Variants in FHIT observed in about 807,000 individuals in gnomAD.
FHIT encodes the protein fragile histidine triad diadenosine triphosphatase.
In FHIT, 19 loss-of-function variants were observed where a neutral mutation model predicts 17.9. The ratio of observed to expected loss-of-function variants is 1.06; its 90% CI spans 0.74 to 1.56. The LOEUF is 1.56. Ranked by LOEUF, FHIT falls within the 40% of genes most tolerant of loss-of-function variation. The probability of loss-of-function intolerance (pLI) is 0.00; values close to 1 mark genes in which losing one functional copy is unlikely to be tolerated. For missense variants in FHIT, 248 were observed against 189.2 expected, an observed-to-expected ratio of 1.31 and a Z score of -1.82; for synonymous variants, 81 against 69.7, an observed-to-expected ratio of 1.16 and a Z score of -0.81.
At chr3:59,777,359 A>G in intron 8 of FHIT, among the ~76,000 whole-genome samples, 1 of 151,768 alleles carries the variant, frequency 6.6e-6, no homozygotes, top group Non-Finnish European at 1.5e-5. Flanking sequence ...GTGGGCACCT[A>G]TATTTATCAC....
At chr3:60,619,603 A>C (rs1162659434) in intron 4 of FHIT, among the ~76,000 whole-genome samples, 37 of 27,258 alleles carry the variant, frequency 1.4e-3, no homozygotes, top group African/African-American at 5.1e-3. Context: ...CCACATGCAA[A>C]AAAAAAAAAA....
intron 4 of FHIT, among the ~76,000 whole-genome samples, chr3:60,549,481 G>A (rs1166931911): frequency 6.6e-6 from 1 of 152,078 alleles, no homozygotes; most frequent in Non-Finnish European, 1.5e-5. Flanking sequence ...TCCTAGATTT[G>A]AGAATCACTG....
At chr3:61,045,931 T>C (rs536899297) in intron 2 of FHIT, among the ~76,000 whole-genome samples, 9 of 152,150 alleles carry the variant, frequency 5.9e-5, no homozygotes, top group Non-Finnish European at 1.3e-4. Flanking sequence ...AAGATGTTCT[T>C]TGAAACCAAC....
chr3:59,933,499 C>T (rs1575722014), intron 7 of FHIT, among the ~76,000 whole-genome samples: 1 of 152,008 alleles, frequency 6.6e-6, no homozygotes, highest in African/African-American at 2.4e-5. Flanking sequence ...CACACTGATG[C>T]TTACTGGAAT....
intron 5 of FHIT, among the ~76,000 whole-genome samples, chr3:60,108,583 G>T (rs749421553): frequency 1.3e-5 from 2 of 152,006 alleles, no homozygotes; most frequent in Non-Finnish European, 2.9e-5. Context: ...AAGGACAGGG[G>T]ACTCCTAGCT....
intron 2 of FHIT, among the ~76,000 whole-genome samples, chr3:61,074,990 C>T (rs1329188758): frequency 6.6e-6 from 1 of 152,114 alleles, no homozygotes; most frequent in African/African-American, 2.4e-5. Flanking sequence ...CAGTCTCAGA[C>T]AAAAGCTGTC....
chr3:61,027,162 C>T (rs1327501968), intron 3 of FHIT, among the ~76,000 whole-genome samples: 5 of 152,116 alleles, frequency 3.3e-5, no homozygotes, highest in African/African-American at 1.2e-4. Flanking sequence ...TCTTGGCTCA[C>T]GGCAACCTCT....
At chr3:60,069,926 C>T (rs1011037124) in intron 5 of FHIT, among the ~76,000 whole-genome samples, 5 of 152,198 alleles carry the variant, frequency 3.3e-5, no homozygotes, top group Non-Finnish European at 5.9e-5. Context: ...TTCTGTCTAG[C>T]ACACTTTTCT....
chr3:60,689,141 T>C (rs559322085), intron 4 of FHIT, among the ~76,000 whole-genome samples: 1 of 152,304 alleles, frequency 6.6e-6, no homozygotes, highest in Admixed American at 6.5e-5. Context: ...ACAAGCTCTC[T>C]CTTTTTGCCT....
At chr3:61,026,417 A>G (rs1235211309) in intron 3 of FHIT, among the ~76,000 whole-genome samples, 3 of 152,198 alleles carry the variant, frequency 2.0e-5, no homozygotes, top group Non-Finnish European at 4.4e-5. Flanking sequence ...TCAAGAAGAA[A>G]CAGGATAATG....
chr3:59,956,409 C>T (rs1195443654), intron 7 of FHIT, among the ~76,000 whole-genome samples: 1 of 152,192 alleles, frequency 6.6e-6, no homozygotes, highest in Admixed American at 6.5e-5. Flanking sequence ...GTGGCTCACG[C>T]CTATAATCTC....
At chr3:61,071,668 T>G (rs578032528) in intron 2 of FHIT, among the ~76,000 whole-genome samples, 1 of 152,304 alleles carries the variant, frequency 6.6e-6, no homozygotes, top group African/African-American at 2.4e-5. Context: ...GCAGCCTATT[T>G]CCAATATGTT....
chr3:61,135,673 T>C (rs888003726), intron 2 of FHIT, among the ~76,000 whole-genome samples: 10 of 152,286 alleles, frequency 6.6e-5, no homozygotes, highest in African/African-American at 2.4e-4. Flanking sequence ...ATTTAGTTTA[T>C]TTATCTTCCC....
chr3:60,234,232 A>G (rs191189601), intron 5 of FHIT, among the ~76,000 whole-genome samples: 2 of 152,306 alleles, frequency 1.3e-5, no homozygotes, highest in Non-Finnish European at 2.9e-5. Context: ...AATAATAATA[A>G]TTAATGCCTT....
At chr3:60,252,609 G>T (rs1268893091) in intron 5 of FHIT, among the ~76,000 whole-genome samples, 1 of 151,860 alleles carries the variant, frequency 6.6e-6, no homozygotes, top group East Asian at 1.9e-4. Flanking sequence ...TGTGCTCAAA[G>T]GGTATTATGG....
intron 4 of FHIT, among the ~76,000 whole-genome samples, chr3:60,628,071 A>G (rs1312409466): frequency 1.3e-5 from 2 of 152,310 alleles, no homozygotes; most frequent in East Asian, 3.9e-4. Context: ...ATTTTTTAAA[A>G]ATACAGGTAC....
At chr3:60,398,543 T>G (rs990749537) in intron 5 of FHIT, among the ~76,000 whole-genome samples, 24 of 152,194 alleles carry the variant, frequency 1.6e-4, no homozygotes, top group African/African-American at 4.6e-4. Flanking sequence ...CACATAGGTA[T>G]TAATGCCACA....
chr3:61,222,439 C>G (rs1053500678), intron 1 of FHIT, among the ~76,000 whole-genome samples: 5 of 152,168 alleles, frequency 3.3e-5, no homozygotes, highest in Non-Finnish European at 7.3e-5. Context: ...CCTGCTGGCT[C>G]ATGGCTTTGC....
rs114456946 is a variant in FHIT, at chr3:60,323,008, C to A, written c.103+213852G>T. On this transcript the variant is annotated intron_variant, in intron 5 of 9. Transcript: ENST00000492590. ...AGACATACAGGAAATGTAAGATTCA[C>A]TATTTAGGTATGAGTTTAGATTTTT... Among the ~76,000 whole-genome samples, 620 of 152,294 alleles carry A rather than the reference C, an allele frequency of 4.1e-3. 4 individuals carry two copies. Among genetic ancestry groups the A allele is most frequent in the African/African-American group, 0.014 (594 of 41,560 alleles).
Sources: gnomAD v4.1 joint callset for allele counts (sites outside exome capture counted in the v4.1 genomes callset) on GRCh38, gnomAD v4.1.1 for gene constraint, MANE v1.5 for transcripts, NCBI Gene and HGNC (gene_info 2026-07-23, HGNC 2026-07-21) for gene names.